MASP1: variants seen among roughly 807,000 people sequenced by gnomAD.
MASP1 encodes the protein MBL associated serine protease 1.
MASP1 carries 59 observed loss-of-function variants against 77.1 expected under a neutral mutation model. That is an observed-to-expected ratio of 0.77 (90% CI 0.62 to 0.95). MASP1 has a LOEUF of 0.95. MASP1 is among the 40% of genes least tolerant of loss of function. The pLI, the probability that MASP1 is intolerant of heterozygous loss-of-function variation, is 0.00. For missense variants in MASP1, 885 were observed against 912.9 expected, an observed-to-expected ratio of 0.97 and a Z score of 0.39; for synonymous variants, 362 against 354.5, an observed-to-expected ratio of 1.02 and a Z score of -0.24.
At chr3:187,285,567 C>T (rs1238414848) in intron 2 of MASP1, among the ~76,000 whole-genome samples, 8 of 151,892 alleles carry the variant, frequency 5.3e-5, no homozygotes, top group Non-Finnish European at 1.0e-4. Context: ...ACACTAAAGG[C>T]TTTGAGAACA....
In MASP1 at chr3:187,241,493, T is replaced by A. The variant is rs779705171; in HGVS notation, c.1291A>T (p.Thr431Ser). Residue 431 changes from threonine (T) to serine (S), a missense_variant, in exon 10 of 11, where the codon ACC becomes TCC. Coordinates refer to ENST00000296280, the MANE Select transcript of MASP1 (RefSeq NM_139125.4). The stretch of plus-strand genomic sequence containing the variant: ...GAGGGTGAGGTACCTGGAAGGCAGG[T>A]GGGTAGGCTTCTCCCCAATACTTTA... ...MNKVLGRSLP[T>S]CLPECGQPSR... 3.8e-5 allele frequency: 61 copies of A among 1,613,736 alleles called. No homozygotes were observed. Among genetic ancestry groups the A allele is most frequent in the Non-Finnish European group, 5.2e-5 (61 of 1,179,730 alleles).
chr3:187,236,163 T>C lies in MASP1; in HGVS notation c.1708A>G (p.Met570Val), dbSNP rs138234047. The stretch of plus-strand genomic sequence containing the variant: ...TCAAGCCTTGGCAGGCAGACAGGCA[T>C]AACGTGGGGTCCCAGGGGCACAGGC... ...QEPVPLGPHVMPVCLPRLEPE... is the reference protein window; with the variant it reads ...QEPVPLGPHVVPVCLPRLEPE... Residue 570 changes from methionine (M) to valine (V), a missense_variant, in exon 11 of 11, where the codon ATG becomes GTG. Met to Val is a conservative substitution (Grantham distance 21). Coordinates refer to ENST00000296280, the MANE Select transcript of MASP1 (RefSeq NM_139125.4). The C allele has an allele frequency of 2.4e-5, 38 of 1,613,798 alleles. No individual in the cohort carries two copies. Among genetic ancestry groups the C allele is most frequent in the Middle Eastern group, 3.3e-4 (2 of 6,084 alleles).
At chr3:187,221,731 A>G (rs941516238) in intron 14 of MASP1, among the ~76,000 whole-genome samples, 1 of 152,208 alleles carries the variant, frequency 6.6e-6, no homozygotes, top group Non-Finnish European at 1.5e-5. Flanking sequence ...CTCCCTCTCT[A>G]CAGTATGAGC....
Position 187,276,428 on chromosome 3 carries a change from G to A in MASP1, c.237+9397C>T, listed in dbSNP as rs990003041. ...CTGGATGAATATTTGTTGAATAAAT[G>A]AATACCTCTTCGTCCCTTAACTTTT... On this transcript the variant is annotated intron_variant, in intron 2 of 10. Transcript: ENST00000296280. Among the ~76,000 whole-genome samples, 6 of 152,300 alleles carry A rather than the reference G, an allele frequency of 3.9e-5. No homozygotes were observed. In the East Asian group the frequency reaches 5.8e-4, roughly 15 times the overall value.
intron 8 of MASP1, among the ~76,000 whole-genome samples, chr3:187,249,878 G>A (rs1714415265): frequency 6.6e-6 from 1 of 152,232 alleles, no homozygotes; most frequent in Non-Finnish European, 1.5e-5. Flanking sequence ...GCCATGTGAA[G>A]ACTAGCAAGG....
At chr3:187,286,329 T>C (rs1383398235) in intron 1 of MASP1, among the ~76,000 whole-genome samples, 1 of 152,262 alleles carries the variant, frequency 6.6e-6, no homozygotes, top group South Asian at 2.1e-4. Context: ...AGTCTGACAT[T>C]TCCATTTTAC....
downstream of MASP1, among the ~76,000 whole-genome samples, chr3:187,229,408 G>A (rs1712631657): frequency 6.6e-6 from 1 of 152,172 alleles, no homozygotes; most frequent in Non-Finnish European, 1.5e-5. Flanking sequence ...ACCTAAAGCA[G>A]CGTTCAAGAC....
At chr3:187,254,210 G>T (rs1281692204) in intron 5 of MASP1, among the ~76,000 whole-genome samples, 2 of 152,158 alleles carry the variant, frequency 1.3e-5, no homozygotes, top group African/African-American at 2.4e-5. Flanking sequence ...ATATACAAAA[G>T]AAATATATGC....
intron 4 of MASP1, among the ~76,000 whole-genome samples, chr3:187,258,100 G>A (rs775591884): frequency 1.3e-5 from 2 of 152,202 alleles, no homozygotes; most frequent in South Asian, 2.1e-4. Flanking sequence ...ATGTTCTAAC[G>A]ATGCTACAAA....
At chr3:187,272,443 C>T (rs1161269971) in intron 2 of MASP1, among the ~76,000 whole-genome samples, 4 of 152,146 alleles carry the variant, frequency 2.6e-5, no homozygotes, top group Non-Finnish European at 4.4e-5. Context: ...TGTTCAAGTC[C>T]TAACCCCTGT....
At chr3:187,251,565 CT>C in intron 7 of MASP1, 68 bp downstream of exon 7, 1 of 1,292,396 alleles carries the variant, frequency 7.7e-7, no homozygotes, top group Non-Finnish European at 1.1e-6. Context: ...CCCATCTGCC[CT>C]GGGGAGGGGC....
intron 13 of MASP1, among the ~76,000 whole-genome samples, chr3:187,224,188 TATTA>T (rs1228269134): frequency 1.3e-5 from 2 of 152,172 alleles, no homozygotes; most frequent in African/African-American, 2.4e-5. Context: ...TATGTTTAAG[TATTA>T]TCTCAAACAC....
downstream of MASP1, among the ~76,000 whole-genome samples, chr3:187,233,807 C>G (rs3733004): frequency 6.6e-6 from 1 of 152,322 alleles, no homozygotes; most frequent in East Asian, 1.9e-4. Context: ...CCAGGCCCAG[C>G]GTGTGGGGGG....
At chr3:187,219,871 T>G (rs1453761479) in exon 16 of MASP1, 1 of 624,732 alleles carries the variant, frequency 1.6e-6, no homozygotes, top group Non-Finnish European at 2.9e-6. Context: ...GGATTCGGCC[T>G]GTGTTCTGAC....
At chr3:187,260,718 A>G (rs751684628) in intron 4 of MASP1, 23 bp downstream of exon 4, 4 of 1,614,056 alleles carry the variant, frequency 2.5e-6, no homozygotes, top group East Asian at 2.2e-5. Flanking sequence ...AGGGCAATGC[A>G]TACAATCATT....
chr3:187,270,826 C>T (rs1381221938), intron 2 of MASP1, among the ~76,000 whole-genome samples: 1 of 152,214 alleles, frequency 6.6e-6, no homozygotes, highest in East Asian at 1.9e-4. Flanking sequence ...CATTCACTAT[C>T]AGCTACCAGA....
In MASP1 at chr3:187,234,851, T is replaced by C. The variant is rs557989843; in HGVS notation, c.*833A>G. The C allele has an allele frequency of 4.3e-5, 55 of 1,287,252 alleles. No homozygotes were observed. The East Asian group carries it at 2.8e-3, about 65-fold the overall frequency. The allele number at this position is 1,287,252 out of a possible 1,614,324, so 79.7% of individuals were successfully genotyped here. A position where few individuals can be genotyped will look rare whatever the true frequency, so the allele number is the denominator to read the frequency against. ...GATAATACATTTCAAGGCTGAAAGA[T>C]TGCTTTGTGCTTGTCTGGAGCAGCA... On this transcript the variant is annotated 3_prime_UTR_variant, in exon 11 of 11. Coordinates refer to ENST00000296280, the MANE Select transcript of MASP1 (RefSeq NM_139125.4).
intron 2 of MASP1, among the ~76,000 whole-genome samples, chr3:187,282,568 T>A (rs4376034): frequency 6.6e-6 from 1 of 151,018 alleles, no homozygotes; most frequent in African/African-American, 2.4e-5. Flanking sequence ...CAACTTAAGA[T>A]GAGATGCGTC....
At chr3:187,284,652 T>C (rs1717702221) in intron 2 of MASP1, among the ~76,000 whole-genome samples, 1 of 152,202 alleles carries the variant, frequency 6.6e-6, no homozygotes, top group African/African-American at 2.4e-5. Context: ...CAGTGGAGAA[T>C]AGCTTGGGAG....
Sources: allele counts gnomAD v4.1 joint callset (sites outside exome capture counted in the v4.1 genomes callset), GRCh38; gene constraint gnomAD v4.1.1; transcripts MANE v1.5; gene names NCBI Gene and HGNC (gene_info 2026-07-23, HGNC 2026-07-21).